CHGB: variants seen among roughly 807,000 people sequenced by gnomAD.
The protein encoded by CHGB is chromogranin B, also known as secretogranin-1.
Under a neutral mutation model 69.9 loss-of-function variants are expected in CHGB, and 46 were observed. The ratio of observed to expected loss-of-function variants is 0.66; its 90% CI spans 0.52 to 0.84. The LOEUF (loss-of-function observed/expected upper bound fraction) is 0.84, where lower values mean the gene tolerates loss of function less well. CHGB is among the 40% of genes least tolerant of loss of function. CHGB has a pLI of 0.00. For synonymous variants in CHGB, 312 were observed against 298.2 expected, an observed-to-expected ratio of 1.05 and a Z score of -0.48; for missense variants, 796 against 822.2, an observed-to-expected ratio of 0.97 and a Z score of 0.39.
At chr20:5,920,927 T>C (rs2088509999) in intron 3 of CHGB, among the ~76,000 whole-genome samples, 1 of 152,242 alleles carries the variant, frequency 6.6e-6, no homozygotes, top group African/African-American at 2.4e-5. Context: ...CACTATTTCT[T>C]GGACATTTTT....
At chr20:5,924,149 G>A (rs1188768515) in intron 4 of CHGB, 49 bp downstream of exon 4, 2 of 1,506,322 alleles carry the variant, frequency 1.3e-6, no homozygotes, top group Non-Finnish European at 1.8e-6. Flanking sequence ...GTCAATGTTA[G>A]CACATTATGT....
Position 5,911,561 on chromosome 20 carries a change from C to T in CHGB, c.-73C>T. 3 of 1,471,020 alleles carry T rather than the reference C, an allele frequency of 2.0e-6. No homozygotes were observed. Among genetic ancestry groups the T allele is most frequent in the Admixed American group, 4.0e-5 (2 of 49,582 alleles). The allele number at this position is 1,471,020 out of a possible 1,614,324, so 91.1% of individuals were successfully genotyped here. ...GGTTTTCCGGGGCCGCTCCATCGCG[C>T]CTTCCTCCTGCGCCTCGCTTCTCCG... On this transcript the variant is annotated 5_prime_UTR_variant, in exon 1 of 5. Transcript: ENST00000378961.
chr20:5,923,925 A>G lies in CHGB; in HGVS notation c.1781A>G (p.Lys594Arg), dbSNP rs2088534046. 6.2e-7 allele frequency: 1 copy of G among 1,614,180 alleles called. No individual in the cohort carries two copies. Residue 594 changes from lysine to arginine, a missense_variant, in exon 4 of 5, where the codon AAG (lysine) becomes AGG (arginine). Physicochemically the swap from Lys to Arg is conservative, Grantham distance 26. Transcript: ENST00000378961. ...YEKRNLARVP[K>R]LDLKRQYDRV... Reference sequence around the variant, plus strand: ...AAGAGAAACCTCGCCAGGGTCCCCAAGCTGGACCTGAAAAGGCAATATGAC... The same window carrying G: ...AAGAGAAACCTCGCCAGGGTCCCCAGGCTGGACCTGAAAAGGCAATATGAC...
chr20:5,924,143 A>G (rs2088536255), intron 4 of CHGB, 43 bp downstream of exon 4: 1 of 1,513,982 alleles, frequency 6.6e-7, no homozygotes, highest in Non-Finnish European at 8.8e-7. Context: ...ACTCTGGTCA[A>G]TGTTAGCACA....
At chr20:5,919,506 A>G (rs557757738) in intron 3 of CHGB, among the ~76,000 whole-genome samples, 9 of 152,352 alleles carry the variant, frequency 5.9e-5, no homozygotes, top group South Asian at 4.1e-4. Flanking sequence ...TCTGAGAGGG[A>G]GCAGGTAATT....
chr20:5,912,428 C>T (rs1304266026), intron 1 of CHGB, among the ~76,000 whole-genome samples: 1 of 151,926 alleles, frequency 6.6e-6, no homozygotes, highest in African/African-American at 2.4e-5. Context: ...ATTTTGACTT[C>T]TGTACTCCAG....
In CHGB at chr20:5,916,831, T is replaced by A. The variant is rs2088478139; in HGVS notation, c.102T>A (p.Thr34=). 1.2e-6 allele frequency: 2 copies of A among 1,614,070 alleles called. No individual in the cohort carries two copies. Among genetic ancestry groups the A allele is most frequent in the African/African-American group, 2.7e-5 (2 of 74,930 alleles). ...GCTTTCGGGTTTCCCCCCAGGTGACTCGCTGCATCATTGAGGTCCTCTCAA... is the reference window on the plus strand; with the variant it reads ...GCTTTCGGGTTTCCCCCCAGGTGACACGCTGCATCATTGAGGTCCTCTCAA... The part of the protein sequence containing the change: ...DNRNHNEGMV[T]RCIIEVLSNA... The change falls in exon 3 of 5, where the codon ACT becomes ACA. Residue 34 remains threonine (T), a synonymous_variant. Coordinates refer to ENST00000378961, the MANE Select transcript of CHGB (RefSeq NM_001819.3).
chr20:5,922,596 A>G lies in CHGB; in HGVS notation c.452A>G (p.Glu151Gly). 6.2e-7 allele frequency: 1 copy of G among 1,614,178 alleles called. No homozygotes were observed. Among genetic ancestry groups the G allele is most frequent in the Non-Finnish European group, 8.5e-7 (1 of 1,180,012 alleles). Residue 151 changes from glutamate to glycine, a missense_variant, in exon 4 of 5, where the codon GAA becomes GGA. By Grantham distance (98) the Glu-to-Gly change is moderately conservative (BLOSUM62 -2). Transcript: ENST00000378961. ...CCCTCCGACAGCCAAGTCTCTGAAG[A>G]AGTGAAGACACGCCATTCTGAGAAG... is the stretch of plus-strand genomic sequence containing the variant. ...LYPSDSQVSEEVKTRHSEKSQ... is the reference protein window; with the variant it reads ...LYPSDSQVSEGVKTRHSEKSQ...
At chr20:5,916,216 A>T in intron 1 of CHGB, 110 bp from the exon 2 acceptor site, 1 of 751,826 alleles carries the variant, frequency 1.3e-6, no homozygotes. Flanking sequence ...TATATTTAAG[A>T]CATTGCCAGG....
Position 5,923,132 on chromosome 20 carries a change from A to G in CHGB, c.988A>G (p.Thr330Ala). Residue 330 changes from threonine to alanine, a missense_variant, in exon 4 of 5, where the codon ACC (threonine) becomes GCC (alanine). Physicochemically the swap from Thr to Ala is moderately conservative, Grantham distance 58. Coordinates refer to ENST00000378961, the MANE Select transcript of CHGB (RefSeq NM_001819.3). ...AGGGGAAAAGAGGGACCACCATTCA[A>G]CCCACTACAGGGCTTCAGAGGAAGA... ...SLGEKRDHHS[T>A]HYRASEEEPE... 6.2e-7 allele frequency: 1 copy of G among 1,614,102 alleles called. No homozygotes were observed. The highest frequency in any genetic ancestry group is 1.1e-5 in the South Asian group (1 of 91,078).
At chr20:5,916,233 A>G in intron 1 of CHGB, 93 bp from the exon 2 acceptor site, 1 of 915,944 alleles carries the variant, frequency 1.1e-6, no homozygotes. Flanking sequence ...CAGGGGAAAA[A>G]CAACAACTAA....
intron 3 of CHGB, among the ~76,000 whole-genome samples, chr20:5,920,979 A>C (rs895489042): frequency 6.6e-6 from 1 of 152,254 alleles, no homozygotes; most frequent in African/African-American, 2.4e-5. Context: ...ATATCATTTC[A>C]AAATAACTTA....
chr20:5,915,542 A>C (rs2088470487), intron 1 of CHGB: 1 of 152,288 alleles, frequency 6.6e-6, no homozygotes, highest in South Asian at 2.1e-4. Context: ...CTTGCGGGTG[A>C]AAAATGAGGT....
Position 5,916,884 on chromosome 20 carries a change from C to G in CHGB, c.155C>G (p.Pro52Arg), listed in dbSNP as rs781519565. ...GCCTTGTCGAAGTCCAGCGCTCCAC[C>G]CATCACCCCTGAGTGCCGCCAAGTC... ...SNALSKSSAP[P>R]ITPECRQVLK... The change falls in exon 3 of 5, where the codon CCC becomes CGC. Residue 52 changes from proline (P) to arginine (R), a missense_variant. Coordinates refer to ENST00000378961, the MANE Select transcript of CHGB (RefSeq NM_001819.3). The G allele has an allele frequency of 6.2e-7, 1 of 1,614,202 alleles. No individual in the cohort carries two copies. The highest frequency in any genetic ancestry group is 8.5e-7 in the Non-Finnish European group (1 of 1,180,038).
chr20:5,923,525 C>G lies in CHGB; in HGVS notation c.1381C>G (p.Gln461Glu). 1.9e-6 allele frequency: 3 copies of G among 1,614,146 alleles called. No homozygotes were observed. Among genetic ancestry groups the G allele is most frequent in the Non-Finnish European group, 1.7e-6 (2 of 1,180,042 alleles). ...NQMDKARRHPQGAWKELDRNY... is the reference protein window; with the variant it reads ...NQMDKARRHPEGAWKELDRNY... ...GATGGACAAGGCAAGGAGGCATCCA[C>G]AAGGTGCGTGGAAAGAGCTGGACAG... Residue 461 changes from glutamine to glutamate, a missense_variant, in exon 4 of 5, where the codon CAA (glutamine) becomes GAA (glutamate). Around this residue, in one of 3 missense-constraint regions of CHGB, gnomAD observed 274 missense variants for 298.9 expected, o/e 0.92. Coordinates refer to ENST00000378961, the MANE Select transcript of CHGB (RefSeq NM_001819.3).
At chr20:5,921,457 A>G (rs773049738) in intron 3 of CHGB, among the ~76,000 whole-genome samples, 11 of 152,320 alleles carry the variant, frequency 7.2e-5, no homozygotes, top group Non-Finnish European at 1.3e-4. Context: ...CTAACTGCCT[A>G]TCTCCTTTCA....
rs2122579284 is a variant in CHGB at position 5,924,110 on chromosome 20, A to G, written c.1956+10A>G. Reference sequence around the variant, plus strand: ...CCTGACAGAGGACGAGGTATGGTCTAGGGCTTCTGTTTAAAAGTACTTACT... The same window carrying G: ...CCTGACAGAGGACGAGGTATGGTCTGGGGCTTCTGTTTAAAAGTACTTACT... On this transcript the variant is annotated intron_variant, in intron 4 of 4. Transcript: ENST00000378961. 6.3e-7 allele frequency: 1 copy of G among 1,582,044 alleles called. No individual in the cohort carries two copies. Among genetic ancestry groups the G allele is most frequent in the Non-Finnish European group, 8.6e-7 (1 of 1,165,186 alleles).
intron 1 of CHGB, among the ~76,000 whole-genome samples, chr20:5,914,038 T>A (rs1466477361): frequency 6.6e-6 from 1 of 152,234 alleles, no homozygotes; most frequent in Non-Finnish European, 1.5e-5. Flanking sequence ...ACATCAGAAG[T>A]TGCTCTCAGA....
At position 5,922,433 on chromosome 20, in the gene CHGB, G is replaced by A. The variant is rs547704720; in HGVS notation, c.289G>A (p.Glu97Lys). 48 of 1,612,066 alleles carry A rather than the reference G, an allele frequency of 3.0e-5. No homozygotes were observed. Among genetic ancestry groups the A allele is most frequent in the South Asian group, 3.0e-4 (27 of 91,054 alleles). ...RDPADASEAH[E>K]SSSRGEAGAP... Reference sequence around the variant, plus strand: ...CCCAGCTGATGCCTCGGAAGCCCACGAGTCCTCCAGCAGGGGAGAGGCAGG... The same window carrying A: ...CCCAGCTGATGCCTCGGAAGCCCACAAGTCCTCCAGCAGGGGAGAGGCAGG... The change falls in exon 4 of 5, where the codon GAG becomes AAG. Residue 97 changes from glutamate to lysine, a missense_variant. By Grantham distance (56) the Glu-to-Lys change is moderately conservative. Transcript: ENST00000378961.
Sources: gnomAD v4.1 joint callset for allele counts (sites outside exome capture counted in the v4.1 genomes callset) on GRCh38, gnomAD v4.1.1 for gene constraint, gnomAD v4.1.1 regional missense constraint, MANE v1.5 for transcripts, NCBI Gene and HGNC (gene_info 2026-07-23, HGNC 2026-07-21) for gene names.